Variants in RPL7L1 observed in about 807,000 individuals in gnomAD.
RPL7L1 encodes the protein ribosomal protein L7 like 1, also known as ribosomal protein uL30-like.
In RPL7L1, 20 loss-of-function variants were observed where a neutral mutation model predicts 30.3. The observed-to-expected ratio is 0.66, with a 90% confidence interval of 0.46 to 0.96. The LOEUF (loss-of-function observed/expected upper bound fraction) is 0.96. RPL7L1 is among the 40% of genes least tolerant of loss of function. The pLI, the probability that RPL7L1 is intolerant of heterozygous loss-of-function variation, is 0.00. For missense variants in RPL7L1, 271 were observed against 314.9 expected, an observed-to-expected ratio of 0.86 and a Z score of 1.05; for synonymous variants, 107 against 110.1, an observed-to-expected ratio of 0.97 and a Z score of 0.18.
chr6:42,883,326 TG>T (rs1766147025), intron 2 of RPL7L1, 124 bp from the exon 3 acceptor site: 3 of 693,780 alleles, frequency 4.3e-6, no homozygotes, highest in Admixed American at 3.1e-5. Flanking sequence ...TAGAGAATGT[TG>T]CTTTGCTTCG....
rs775070465 is a variant in RPL7L1, at chr6:42,879,965, G to T, written c.41+14G>T. 1.9e-6 allele frequency: 3 copies of T among 1,613,800 alleles called. No homozygotes were observed. Among genetic ancestry groups the T allele is most frequent in the Non-Finnish European group, 1.7e-6 (2 of 1,179,684 alleles). On this transcript the variant is annotated intron_variant, in intron 1 of 5. Coordinates refer to ENST00000493763, the MANE Select transcript of RPL7L1 (RefSeq NM_001366481.3). ...GGCGGAGCAAGAGTGAGTGTTTGGG[G>T]CTTTGAATATCTGGAGTGGGGTCTT...
chr6:42,883,758 C>A, intron 3 of RPL7L1, 144 bp downstream of exon 3: 1 of 603,708 alleles, frequency 1.7e-6, no homozygotes, highest in Non-Finnish European at 2.8e-6. Context: ...ATTTAGTCTG[C>A]AATATTTGGA....
intron 4 of RPL7L1, chr6:42,885,503 C>T (rs1001656053): frequency 2.3e-4 from 36 of 154,704 alleles, no homozygotes; most frequent in Non-Finnish European, 2.1e-4. Context: ...ACCTGGGAGG[C>T]GGAGCTTGCA....
rs1180553140 is a variant in RPL7L1 at position 42,888,893 on chromosome 6, CAGTG to C, written c.*2433_*2436del. On this transcript the variant is annotated 3_prime_UTR_variant, in exon 6 of 6. Transcript: ENST00000493763. ...CATCTGGGGATTTTAATCCTGAAAA[CAGTG>C]AGTCTGATACTGCTTGTGTTTTTCA... is the stretch of plus-strand genomic sequence containing the variant. 6.6e-6 allele frequency: 1 copy of C among 152,138 alleles called. No individual in the cohort carries two copies. Among genetic ancestry groups the C allele is most frequent in the African/African-American group, 2.4e-5 (1 of 41,418 alleles). The allele number at this position is 152,138 out of a possible 1,614,324, so 9.4% of individuals were successfully genotyped here. A position where few individuals can be genotyped will look rare whatever the true frequency, so the allele number is the denominator to read the frequency against.
Position 42,888,384 on chromosome 6 carries a change from C to G in RPL7L1, c.*1920C>G, listed in dbSNP as rs1400339239. On this transcript the variant is annotated 3_prime_UTR_variant, in exon 6 of 6. Transcript: ENST00000493763. ...TGTAGGCCAGGCTAGTCTCAAACTC[C>G]TGACCTCAAGTGATCCACAAGCCTG... The G allele has an allele frequency of 1.3e-5, 2 of 152,290 alleles. No homozygotes were observed. Among genetic ancestry groups the G allele is most frequent in the Non-Finnish European group, 2.9e-5 (2 of 68,108 alleles). 9.4% of individuals were successfully genotyped at this position (152,290 alleles called of 1,614,324 possible). A position where few individuals can be genotyped will look rare whatever the true frequency, so the allele number is the denominator to read the frequency against.
chr6:42,889,803 C>T lies in RPL7L1; in HGVS notation c.*3339C>T, dbSNP rs15395. Reference sequence around the variant, plus strand: ...GCAAACTGCTGGTAAATAAAAGGGACTAAGTTGACGAAAAATAAATTTTAA... The same window carrying T: ...GCAAACTGCTGGTAAATAAAAGGGATTAAGTTGACGAAAAATAAATTTTAA... On this transcript the variant is annotated 3_prime_UTR_variant, in exon 6 of 6. Coordinates refer to ENST00000493763, the MANE Select transcript of RPL7L1 (RefSeq NM_001366481.3). 1 of 152,066 alleles carries T rather than the reference C, an allele frequency of 6.6e-6. No homozygotes were observed. The highest frequency in any genetic ancestry group is 6.6e-5 in the Admixed American group (1 of 15,264). 9.4% of individuals were successfully genotyped at this position (152,066 alleles called of 1,614,324 possible).
intron 2 of RPL7L1, 110 bp from the exon 3 acceptor site, chr6:42,883,341 T>C (rs1344349794): frequency 2.2e-5 from 19 of 845,824 alleles, no homozygotes; most frequent in Non-Finnish European, 3.3e-5. Context: ...TGCTTCGCAT[T>C]GTGGAACACG....
At chr6:42,881,128 C>T in intron 2 of RPL7L1, 162 bp downstream of exon 2, 1 of 567,230 alleles carries the variant, frequency 1.8e-6, no homozygotes. Context: ...TCCAGGACTC[C>T]CACAGATGCC....
chr6:42,881,462 C>T (rs1766077944), intron 2 of RPL7L1: 1 of 145,490 alleles, frequency 6.9e-6, no homozygotes, highest in South Asian at 2.2e-4. Context: ...GAGACACTCT[C>T]TCAAAAAATA....
At position 42,879,914 on chromosome 6, in the gene RPL7L1, A is replaced by C. The variant is rs756576258; in HGVS notation, c.4A>C (p.Ile2Leu). The C allele has an allele frequency of 1.2e-6, 2 of 1,613,980 alleles. No homozygotes were observed. The highest frequency in any genetic ancestry group is 3.3e-5 in the Admixed American group (2 of 60,012). MISSCTTRKMAE... is the reference protein window; with the variant it reads MLSSCTTRKMAE... The stretch of plus-strand genomic sequence containing the variant: ...TCCCCATGTGGTGGGGTTGCGCATG[A>C]TCAGTAGCTGCACCACTAGAAAGAT... The change falls in exon 1 of 6, where the codon ATC (isoleucine) becomes CTC (leucine). Residue 2 changes from isoleucine to leucine, a missense_variant. Coordinates refer to ENST00000493763, the MANE Select transcript of RPL7L1 (RefSeq NM_001366481.3).
intron 1 of RPL7L1, among the ~76,000 whole-genome samples, chr6:42,880,382 T>A (rs1246178814): frequency 1.3e-5 from 2 of 152,208 alleles, no homozygotes; most frequent in African/African-American, 4.8e-5. Context: ...AGGGATGGAT[T>A]TATGAGGCCT....
rs1766003928 is a variant in RPL7L1 at position 42,879,877 on chromosome 6, C to G, written c.-34C>G. On this transcript the variant is annotated 5_prime_UTR_variant, in exon 1 of 6. Coordinates refer to ENST00000493763, the MANE Select transcript of RPL7L1 (RefSeq NM_001366481.3). ...CGTCTCTATGGTCAAGTAAACAGAG[C>G]GTGTGCTGTCTTCCCCATGTGGTGG... 1 of 1,610,662 alleles carries G rather than the reference C, an allele frequency of 6.2e-7. No homozygotes were observed. Among genetic ancestry groups the G allele is most frequent in the Non-Finnish European group, 8.5e-7 (1 of 1,177,694 alleles).
Position 42,886,349 on chromosome 6 carries a change from T to G in RPL7L1, c.653T>G (p.Phe218Cys), listed in dbSNP as rs777306121. 1 of 1,605,232 alleles carries G rather than the reference T, an allele frequency of 6.2e-7. No individual in the cohort carries two copies. The highest frequency in any genetic ancestry group is 8.5e-7 in the Non-Finnish European group (1 of 1,179,748). ...GAGATCTCATGGTTCTTGTGCCCTTTCCACCTCTCAGTGGCCCGTCATGCT... is the reference window on the plus strand; with the variant it reads ...GAGATCTCATGGTTCTTGTGCCCTTGCCACCTCTCAGTGGCCCGTCATGCT... ...FQEISWFLCPFHLSVARHATK... is the reference protein window; with the variant it reads ...FQEISWFLCPCHLSVARHATK... Residue 218 changes from phenylalanine (F) to cysteine (C), a missense_variant, in exon 6 of 6, where the codon TTC (phenylalanine) becomes TGC (cysteine). Transcript: ENST00000493763.
chr6:42,884,784 A>T, intron 4 of RPL7L1, 34 bp downstream of exon 4: 1 of 1,599,854 alleles, frequency 6.3e-7, no homozygotes, highest in Non-Finnish European at 8.5e-7. Context: ...TTCACATTAG[A>T]TTTCTATTTG....
intron 3 of RPL7L1, 110 bp downstream of exon 3, chr6:42,883,724 G>T (rs998740994): frequency 2.5e-5 from 21 of 842,232 alleles, no homozygotes; most frequent in African/African-American, 5.1e-5. Flanking sequence ...GGCAAATTGT[G>T]CTAGGATGTC....
chr6:42,880,229 A>G (rs1424623266), intron 1 of RPL7L1, among the ~76,000 whole-genome samples: 2 of 152,176 alleles, frequency 1.3e-5, no homozygotes, highest in African/African-American at 4.8e-5. Flanking sequence ...CTCTGCAGAT[A>G]GGCCTGCCCC....
chr6:42,889,103 A>AAATTTACC lies in RPL7L1; in HGVS notation c.*2640_*2641insATTTACCA, dbSNP rs1766383937. 1 of 152,150 alleles carries AAATTTACC rather than the reference A, an allele frequency of 6.6e-6. No individual in the cohort carries two copies. Among genetic ancestry groups the AAATTTACC allele is most frequent in the Non-Finnish European group, 1.5e-5 (1 of 68,038 alleles). The allele number at this position is 152,150 out of a possible 1,614,324, so 9.4% of individuals were successfully genotyped here. A position where few individuals can be genotyped will look rare whatever the true frequency, so the allele number is the denominator to read the frequency against. The stretch of plus-strand genomic sequence containing the variant: ...TGCAATTTTGGCTCCTTGGACCCTC[A>AAATTTACC]AGCATAGCTGGTAAATCAAGTTAGA... On this transcript the variant is annotated 3_prime_UTR_variant, in exon 6 of 6. Transcript: ENST00000493763.
At position 42,883,243 on chromosome 6, in the gene RPL7L1, T is replaced by C. The variant is rs572279028; in HGVS notation, c.148-208T>C. 27 of 418,032 alleles carry C rather than the reference T, an allele frequency of 6.5e-5. No individual in the cohort carries two copies. In the East Asian group the frequency reaches 9.8e-4, roughly 15 times the overall value. 25.9% of individuals were successfully genotyped at this position (418,032 alleles called of 1,614,324 possible). A position where few individuals can be genotyped will look rare whatever the true frequency, so the allele number is the denominator to read the frequency against. The stretch of plus-strand genomic sequence containing the variant: ...ATGTAAACTAATTTTTTGTTCGTTA[T>C]TTTTCCCAATAATTCCCAAGTTTCC... On this transcript the variant is annotated intron_variant, in intron 2 of 5. Transcript: ENST00000493763.
rs1766366859 is a variant in RPL7L1, at chr6:42,888,578, T to G, written c.*2114T>G. On this transcript the variant is annotated 3_prime_UTR_variant, in exon 6 of 6. Coordinates refer to ENST00000493763, the MANE Select transcript of RPL7L1 (RefSeq NM_001366481.3). The stretch of plus-strand genomic sequence containing the variant: ...AGTTTACCAAGATAGATTTTTCCCT[T>G]CATAGTGGCAGATAGTGTTAACCCC... 6.6e-6 allele frequency: 1 copy of G among 152,218 alleles called. No homozygotes were observed. Among genetic ancestry groups the G allele is most frequent in the Non-Finnish European group, 1.5e-5 (1 of 68,054 alleles). The allele number at this position is 152,218 out of a possible 1,614,324, so 9.4% of individuals were successfully genotyped here.
Sources: gnomAD v4.1 joint callset for allele counts (sites outside exome capture counted in the v4.1 genomes callset) on GRCh38, gnomAD v4.1.1 for gene constraint, MANE v1.5 for transcripts, NCBI Gene and HGNC (gene_info 2026-07-23, HGNC 2026-07-21) for gene names.